CAMTA1: variants seen among roughly 807,000 people sequenced by gnomAD.
CAMTA1 encodes the protein calmodulin binding transcription activator 1.
A neutral mutation model predicts 170.9 loss-of-function variants in CAMTA1; 27 were observed. That is an observed-to-expected ratio of 0.16 (90% CI 0.12 to 0.22). The LOEUF (loss-of-function observed/expected upper bound fraction) is 0.22. Ranked by LOEUF, CAMTA1 falls within the 10% of genes least tolerant of loss-of-function variation. CAMTA1 has a pLI of 1.00. For synonymous variants in CAMTA1, 833 were observed against 891.5 expected (o/e 0.93, Z 1.17); for missense variants, 1,619 against 2,217.2 (o/e 0.73, Z 5.42).
intron 4 of CAMTA1, among the ~76,000 whole-genome samples, chr1:7,143,843 G>A (rs973390984): frequency 6.6e-6 from 1 of 152,204 alleles, no homozygotes; most frequent in Non-Finnish European, 1.5e-5. Flanking sequence ...AAAGTCATAT[G>A]TCTATACACT....
intron 5 of CAMTA1, among the ~76,000 whole-genome samples, chr1:7,444,480 G>T (rs969564738): frequency 6.6e-6 from 1 of 152,250 alleles, no homozygotes; most frequent in Admixed American, 6.5e-5. Context: ...CCAGCCCAAG[G>T]TTCTGTTTGC....
At chr1:7,712,317 A>G (rs1323384302) in intron 11 of CAMTA1, among the ~76,000 whole-genome samples, 1 of 151,772 alleles carries the variant, frequency 6.6e-6, no homozygotes, top group Non-Finnish European at 1.5e-5. Flanking sequence ...ATTATTCATT[A>G]TAATTACTAT....
intron 1 of CAMTA1, among the ~76,000 whole-genome samples, chr1:6,811,936 A>G (rs1254485892): frequency 1.3e-5 from 2 of 152,164 alleles, no homozygotes; most frequent in African/African-American, 4.8e-5. Context: ...AAGTAGTGAT[A>G]GGTGATGGTG....
intron 11 of CAMTA1, among the ~76,000 whole-genome samples, chr1:7,687,596 C>G (rs776751975): frequency 3.3e-5 from 5 of 152,204 alleles, no homozygotes; most frequent in Non-Finnish European, 5.9e-5. Context: ...ACTGCCCCAT[C>G]CACTGCTCGT....
Position 7,485,211 on chromosome 1 carries a change from C to T in CAMTA1, c.510+17310C>T, listed in dbSNP as rs564587471. ...CCCTGATGTCTGAGCCTGAAAGCCACGGCCCTTGTGCGCGCATTACATAGC... is the reference window on the plus strand; with the variant it reads ...CCCTGATGTCTGAGCCTGAAAGCCATGGCCCTTGTGCGCGCATTACATAGC... On this transcript the variant is annotated intron_variant, in intron 6 of 22. Transcript: ENST00000303635. 3.3e-5 allele frequency among the ~76,000 whole-genome samples: 5 copies of T among 152,340 alleles called. No homozygotes were observed. The South Asian group carries it at 8.3e-4, about 25-fold the overall frequency.
At chr1:6,952,464 C>T (rs1477579501) in intron 3 of CAMTA1, among the ~76,000 whole-genome samples, 2 of 127,026 alleles carry the variant, frequency 1.6e-5, no homozygotes, top group Non-Finnish European at 3.3e-5. Flanking sequence ...AAAGAGATAA[C>T]ATAGTGAAGA....
chr1:7,527,650 G>C (rs2094445411), intron 6 of CAMTA1, among the ~76,000 whole-genome samples: 1 of 152,236 alleles, frequency 6.6e-6, no homozygotes, highest in African/African-American at 2.4e-5. Context: ...TAAGAGGCCA[G>C]AATGCTCATC....
intron 5 of CAMTA1, 82 bp from the exon 6 acceptor site, chr1:7,467,748 T>A: frequency 7.6e-7 from 1 of 1,321,820 alleles, no homozygotes; most frequent in Non-Finnish European, 1.1e-6. Context: ...GGCCCCTTCT[T>A]GCTCCTTCTC....
intron 11 of CAMTA1, chr1:7,700,924 C>T (rs1375895601): frequency 1.3e-5 from 2 of 152,144 alleles, no homozygotes; most frequent in Non-Finnish European, 2.9e-5. Flanking sequence ...TTGTGCATCT[C>T]GAACTTTAAT....
At position 6,902,077 on chromosome 1, in the gene CAMTA1, AAAAAAAT is replaced by A. The variant is rs1677152773; in HGVS notation, c.234+76873_234+76879del. Among the ~76,000 whole-genome samples the A allele has an allele frequency of 1.1e-4, 8 of 70,938 alleles. No homozygotes were observed. In the South Asian group the frequency reaches 4.7e-3, roughly 42 times the overall value. The allele number at this position is 70,938 out of a possible 152,430, so 46.5% of individuals were successfully genotyped here. On this transcript the variant is annotated intron_variant, in intron 3 of 22. Coordinates refer to ENST00000303635, the MANE Select transcript of CAMTA1 (RefSeq NM_015215.4). Reference sequence around the variant, plus strand: ...CACACACACACACACACACACAAAAAAAAAAATAAAAATAAAAACTCGTACTGGCTTT... The same window carrying A: ...CACACACACACACACACACACAAAAAAAAAATAAAAACTCGTACTGGCTTT...
chr1:7,192,699 C>T (rs924846293), intron 4 of CAMTA1, among the ~76,000 whole-genome samples: 13 of 152,170 alleles, frequency 8.5e-5, no homozygotes, highest in African/African-American at 3.1e-4. Flanking sequence ...CCCTCACAAC[C>T]CTGCAAGGTA....
rs776056356 is a variant in CAMTA1, at chr1:7,664,719, C to T, written c.2172C>T (p.Asn724=). 5 of 1,608,260 alleles carry T rather than the reference C, an allele frequency of 3.1e-6. No homozygotes were observed. Among genetic ancestry groups the T allele is most frequent in the Admixed American group, 1.7e-5 (1 of 59,860 alleles). Residue 724 remains asparagine (N), a synonymous_variant, in exon 9 of 23, where the codon AAC becomes AAT. Transcript: ENST00000303635. ...AGCACTACCTGCAGCCGGAGACCAA[C>T]GGGGTAATCCGAAGCGCCGGCGGCG... ...SSEHYLQPET[N]GVIRSAGGVP...
intron 5 of CAMTA1, among the ~76,000 whole-genome samples, chr1:7,328,030 C>A (rs560482206): frequency 6.6e-6 from 1 of 151,980 alleles, no homozygotes; most frequent in East Asian, 1.9e-4. Context: ...AGAAATCAGT[C>A]GTCATTCTAA....
chr1:7,463,979 A>AAAAT lies in CAMTA1; in HGVS notation c.439-3836_439-3833dup, dbSNP rs763170136. Reference sequence around the variant, plus strand: ...GTAATTTCATCTTTACTTTTTTATAAAAATAAATAAATAAATAAGCCCTAT... The same window carrying AAAAT: ...GTAATTTCATCTTTACTTTTTTATAAAAATAAATAAATAAATAAATAAGCCCTAT... On this transcript the variant is annotated intron_variant, in intron 5 of 22. Transcript: ENST00000303635. This position sits in a 1 kb window ranked among gnomAD's most constrained non-coding sequence, Gnocchi z 4.7. Among the ~76,000 whole-genome samples the AAAAT allele has an allele frequency of 2.6e-5, 4 of 152,186 alleles. No homozygotes were observed. Among genetic ancestry groups the AAAAT allele is most frequent in the African/African-American group, 9.7e-5 (4 of 41,444 alleles).
chr1:6,910,207 T>C (rs1679407539), intron 3 of CAMTA1, among the ~76,000 whole-genome samples: 1 of 152,230 alleles, frequency 6.6e-6, no homozygotes, highest in South Asian at 2.1e-4. Context: ...GGGCACCTTG[T>C]TTATTGTTCT....
chr1:6,962,189 C>A (rs1690547980), intron 3 of CAMTA1, among the ~76,000 whole-genome samples: 1 of 152,224 alleles, frequency 6.6e-6, no homozygotes, highest in Non-Finnish European at 1.5e-5. Flanking sequence ...CATGGTGGAC[C>A]CCGACAAGGC....
At chr1:7,042,104 G>A (rs1704552329) in intron 3 of CAMTA1, among the ~76,000 whole-genome samples, 1 of 152,150 alleles carries the variant, frequency 6.6e-6, no homozygotes, top group Non-Finnish European at 1.5e-5. Context: ...AGGATACCCT[G>A]TTCAGCTTTG....
chr1:7,658,920 A>G (rs1190822633), intron 7 of CAMTA1, among the ~76,000 whole-genome samples: 1 of 152,222 alleles, frequency 6.6e-6, no homozygotes, highest in African/African-American at 2.4e-5. Flanking sequence ...TGGGCTGTCA[A>G]TGCTGCCACC....
chr1:7,211,253 A>G (rs1227864058), intron 4 of CAMTA1, among the ~76,000 whole-genome samples: 1 of 152,204 alleles, frequency 6.6e-6, no homozygotes, highest in Non-Finnish European at 1.5e-5. Flanking sequence ...ACTCAGCAAA[A>G]CTTACTTACA....
Sources: gnomAD v4.1 joint callset for allele counts (sites outside exome capture counted in the v4.1 genomes callset) on GRCh38, gnomAD v4.1.1 for gene constraint, Gnocchi (gnomAD v3.1) non-coding constraint, MANE v1.5 for transcripts, NCBI Gene and HGNC (gene_info 2026-07-23, HGNC 2026-07-21) for gene names.